Variants in TRPV3 observed in about 807,000 individuals in gnomAD.
The protein encoded by TRPV3 is VRL-3.
A neutral mutation model predicts 87.1 loss-of-function variants in TRPV3; 88 were observed. The observed-to-expected ratio is 1.01, with a 90% CI of 0.85 to 1.21. TRPV3 has a LOEUF of 1.21. TRPV3 is among the 50% of genes most tolerant of loss of function. The pLI is 0.00. For missense variants in TRPV3, 1,054 were observed against 1,030.1 expected, an observed-to-expected ratio of 1.02 and a Z score of -0.32; for synonymous variants, 438 against 423.3, an observed-to-expected ratio of 1.03 and a Z score of -0.43.
At chr17:3,516,609 T>A in intron 15 of TRPV3, 40 bp from the exon 16 acceptor site, 1 of 1,457,260 alleles carries the variant, frequency 6.9e-7, no homozygotes. Context: ...GCATCCACAC[T>A]CACAAGCACA....
At chr17:3,535,478 T>A in intron 7 of TRPV3, 95 bp downstream of exon 7, 31 of 795,478 alleles carry the variant, frequency 3.9e-5, no homozygotes, top group Non-Finnish European at 4.2e-5. Flanking sequence ...TCTTCCCCCC[T>A]CCTCCCTTCT....
At chr17:3,529,264 C>A (rs530014113) in intron 9 of TRPV3, among the ~76,000 whole-genome samples, 2 of 152,208 alleles carry the variant, frequency 1.3e-5, no homozygotes, top group Admixed American at 1.3e-4. Flanking sequence ...TAGAAGCGGG[C>A]AGGAGGTGGT....
chr17:3,540,195 TAGAGTGGACAATC>T (rs1280322913), intron 6 of TRPV3, among the ~76,000 whole-genome samples: 2 of 152,066 alleles, frequency 1.3e-5, no homozygotes, highest in African/African-American at 2.4e-5. Context: ...AGGGAAACTT[TAGAGTGGACAATC>T]AGAGTGGTCA....
intron 12 of TRPV3, among the ~76,000 whole-genome samples, chr17:3,524,712 C>T (rs1333066493): frequency 6.6e-6 from 1 of 151,238 alleles, no homozygotes; most frequent in Admixed American, 6.6e-5. Flanking sequence ...TGGCTTTCGC[C>T]TGTAATCCCA....
intron 2 of TRPV3, among the ~76,000 whole-genome samples, chr17:3,550,989 T>C (rs1306853044): frequency 2.6e-5 from 4 of 152,140 alleles, no homozygotes; most frequent in African/African-American, 9.7e-5. Flanking sequence ...TGTCAACCTC[T>C]TCAGAGAGGG....
rs1053854084 is a variant in TRPV3 at position 3,556,230 on chromosome 17, C to G, written c.-2-1378G>C. 6.6e-6 allele frequency among the ~76,000 whole-genome samples: 1 copy of G among 151,064 alleles called. No individual in the cohort carries two copies. Among genetic ancestry groups the G allele is most frequent in the East Asian group, 1.9e-4 (1 of 5,164 alleles). On this transcript the variant is annotated intron_variant, in intron 1 of 17. Transcript: ENST00000576742. The surrounding 1 kb of genome is among the most constrained non-coding windows in gnomAD (Gnocchi z 4.2). ...GTTTTTATTAAACATAAAAAAGGAGCTATGGCTGACCCCTGGGGGCAGCTG... is the reference window on the plus strand; with the variant it reads ...GTTTTTATTAAACATAAAAAAGGAGGTATGGCTGACCCCTGGGGGCAGCTG...
rs376412242 is a variant in TRPV3, at chr17:3,542,583, A to G, written c.582T>C (p.Ala194=). The change falls in exon 6 of 18, where the codon GCT becomes GCC. Residue 194 remains alanine (A), a synonymous_variant. Transcript: ENST00000576742. ...KEIVRILLAF[A]EENDILGRFI... is the part of the protein sequence containing the mutation. The stretch of plus-strand genomic sequence containing the variant: ...ACCTGCCCAGGATGTCGTTCTCTTC[A>G]GCAAAGGCAAGCAGGATCCGCACTA... 5.5e-5 allele frequency: 88 copies of G among 1,613,842 alleles called. No homozygotes were observed. Among genetic ancestry groups the G allele is most frequent in the Non-Finnish European group, 7.3e-5 (86 of 1,179,936 alleles).
At position 3,512,015 on chromosome 17, in the gene TRPV3, G is replaced by C. The variant is rs978074218; in HGVS notation, c.*1902C>G. The C allele has an allele frequency of 5.9e-5, 9 of 152,148 alleles. No individual in the cohort carries two copies. The highest frequency in any genetic ancestry group is 2.2e-4 in the African/African-American group (9 of 41,418). The allele number at this position is 152,148 out of a possible 1,614,324, so 9.4% of individuals were successfully genotyped here. A position where few individuals can be genotyped will look rare whatever the true frequency, so the allele number is the denominator to read the frequency against. On this transcript the variant is annotated 3_prime_UTR_variant, in exon 18 of 18. Coordinates refer to ENST00000576742, the MANE Select transcript of TRPV3 (RefSeq NM_145068.4). ...GAATGCTGATTTGTACAATCTCCAG[G>C]CTAAAAGGGACCTTAAACTTCTTCC...
At chr17:3,555,240 C>G (rs1333905215) in intron 1 of TRPV3, among the ~76,000 whole-genome samples, 1 of 152,234 alleles carries the variant, frequency 6.6e-6, no homozygotes, top group Non-Finnish European at 1.5e-5. Flanking sequence ...ATGACACCCT[C>G]TCCAGCTGAC....
rs12940229 is a variant in TRPV3 at position 3,525,059 on chromosome 17, A to C, written c.1578-696T>G. Reference sequence around the variant, plus strand: ...GGCAGAGACAGGGTCTTGCTCTGTCACCTAGGCTGGAGTACAGTGGCATGA... The same window carrying C: ...GGCAGAGACAGGGTCTTGCTCTGTCCCCTAGGCTGGAGTACAGTGGCATGA... On this transcript the variant is annotated intron_variant, in intron 12 of 17. Transcript: ENST00000576742. Among the ~76,000 whole-genome samples the C allele has an allele frequency of 6.6e-3, 1,009 of 152,294 alleles. 13 individuals carry two copies. The highest frequency in any genetic ancestry group is 0.022 in the African/African-American group (927 of 41,574).
At chr17:3,522,429 T>A (rs2074255729) in intron 13 of TRPV3, among the ~76,000 whole-genome samples, 1 of 152,184 alleles carries the variant, frequency 6.6e-6, no homozygotes. Flanking sequence ...TTCACATACT[T>A]TTATTACAGT....
At chr17:3,555,638 C>T (rs1201888602) in intron 1 of TRPV3, among the ~76,000 whole-genome samples, 2 of 152,132 alleles carry the variant, frequency 1.3e-5, no homozygotes, top group Non-Finnish European at 2.9e-5. Flanking sequence ...CCGTGCTGAG[C>T]TCCGAGGGGT....
At chr17:3,514,820 A>T in intron 16 of TRPV3, 148 bp from the exon 17 acceptor site, 1 of 557,828 alleles carries the variant, frequency 1.8e-6, no homozygotes, top group Non-Finnish European at 3.1e-6. Context: ...GAGGGGTCAC[A>T]CCAAAGTTGT....
chr17:3,551,907 G>A (rs2074579136), intron 2 of TRPV3, among the ~76,000 whole-genome samples: 1 of 70,532 alleles, frequency 1.4e-5, no homozygotes, highest in Non-Finnish European at 3.1e-5. Flanking sequence ...TTTGGAGATG[G>A]AATCTTGCTA....
intron 11 of TRPV3, 119 bp from the exon 12 acceptor site, chr17:3,527,046 C>T (rs1341246776): frequency 1.3e-6 from 1 of 778,548 alleles, no homozygotes; most frequent in East Asian, 2.7e-5. Context: ...AAAGGCCCAG[C>T]TAGAGTCCAG....
chr17:3,544,602 G>A lies in TRPV3; in HGVS notation c.288C>T (p.Thr96=). The A allele has an allele frequency of 1.2e-6, 2 of 1,607,676 alleles. No individual in the cohort carries two copies. The highest frequency in any genetic ancestry group is 2.7e-5 in the African/African-American group (2 of 74,798). ...ACCTGGGGCTGTTGGGATTGGATGG[G>A]GTCTCTGTCACATCATCCTGAGGAG... is the stretch of plus-strand genomic sequence containing the variant. ...PQSPQDDVTE[T]PSNPNSPSAQ... Residue 96 remains threonine, a synonymous_variant, in exon 4 of 18, where the codon ACC becomes ACT. Coordinates refer to ENST00000576742, the MANE Select transcript of TRPV3 (RefSeq NM_145068.4).
chr17:3,520,198 G>A (rs987801824), intron 14 of TRPV3, among the ~76,000 whole-genome samples: 20 of 152,164 alleles, frequency 1.3e-4, no homozygotes, highest in South Asian at 6.2e-4. Context: ...CAACTGGTAC[G>A]TGGGGGAAAA....
chr17:3,532,184 C>T (rs922987255), intron 8 of TRPV3, among the ~76,000 whole-genome samples: 5 of 152,242 alleles, frequency 3.3e-5, no homozygotes, highest in African/African-American at 7.2e-5. Flanking sequence ...GGGCCCAAAG[C>T]GGCCACACTC....
In TRPV3 at chr17:3,510,612, C is replaced by T. The variant is rs2074099672; in HGVS notation, c.*3305G>A. ...TTTCTTGAACATAGAGTTTCGCACA[C>T]ACATACACACTAAGAACAAGTAGGT... is the stretch of plus-strand genomic sequence containing the variant. On this transcript the variant is annotated 3_prime_UTR_variant, in exon 18 of 18. Coordinates refer to ENST00000576742, the MANE Select transcript of TRPV3 (RefSeq NM_145068.4). 1 of 152,220 alleles carries T rather than the reference C, an allele frequency of 6.6e-6. No homozygotes were observed. The highest frequency in any genetic ancestry group is 2.4e-5 in the African/African-American group (1 of 41,444). 9.4% of individuals were successfully genotyped at this position (152,220 alleles called of 1,614,324 possible). A position where few individuals can be genotyped will look rare whatever the true frequency, so the allele number is the denominator to read the frequency against.
Sources: allele counts gnomAD v4.1 joint callset (sites outside exome capture counted in the v4.1 genomes callset), GRCh38; gene constraint gnomAD v4.1.1; non-coding constraint Gnocchi (gnomAD v3.1); transcripts MANE v1.5; gene names NCBI Gene and HGNC (gene_info 2026-07-23, HGNC 2026-07-21).